The following UNC13C variants were observed in gnomAD, a reference collection of about 807,000 sequenced individuals.
UNC13C encodes the protein unc-13 homolog C, also known as protein unc-13 homolog C.
UNC13C carries 174 observed loss-of-function variants against 245.4 expected under a neutral mutation model. The ratio of observed to expected loss-of-function variants is 0.71; its 90% CI spans 0.63 to 0.80. The LOEUF is 0.80. UNC13C is among the 30% of genes least tolerant of loss of function. The pLI is 0.00. For synonymous variants in UNC13C, 992 were observed against 895.1 expected, an observed-to-expected ratio of 1.11 and a Z score of -1.93; for missense variants, 2,829 against 2,602.9, an observed-to-expected ratio of 1.09 and a Z score of -1.89.
intron 31 of UNC13C, among the ~76,000 whole-genome samples, chr15:54,623,422 C>T (rs3959676): frequency 0.59 from 89,420 of 151,926 alleles, 26,940 homozygotes; most frequent in Middle Eastern, 0.69. Flanking sequence ...TGAAAGCATA[C>T]AATCCAAAAT....
the UNC13C span, among the ~76,000 whole-genome samples, chr15:53,936,835 A>G: frequency 6.6e-6 from 1 of 152,204 alleles, no homozygotes; most frequent in African/African-American, 2.4e-5. Context: ...ATGGAAATCA[A>G]CAACAACATC....
At chr15:54,368,053 T>C (rs922117847) in intron 17 of UNC13C, among the ~76,000 whole-genome samples, 1 of 152,116 alleles carries the variant, frequency 6.6e-6, no homozygotes, top group Non-Finnish European at 1.5e-5. Context: ...TTCAGGGTAA[T>C]GCAAGTACAT....
chr15:53,849,917 A>G, the UNC13C span, among the ~76,000 whole-genome samples: 8 of 152,228 alleles, frequency 5.3e-5, no homozygotes, highest in Non-Finnish European at 7.3e-5. Flanking sequence ...ATGTGTTTAA[A>G]AAAATTAAAC....
At chr15:54,507,415 T>C (rs1280401349) in intron 23 of UNC13C, among the ~76,000 whole-genome samples, 1 of 152,106 alleles carries the variant, frequency 6.6e-6, no homozygotes, top group East Asian at 1.9e-4. Context: ...ACTTGTGGTT[T>C]TCCATGTAGA....
chr15:53,984,379 T>C (rs910619388), intron 1 of UNC13C, among the ~76,000 whole-genome samples: 5 of 152,134 alleles, frequency 3.3e-5, no homozygotes, highest in African/African-American at 1.2e-4. Flanking sequence ...CATCATACAC[T>C]GTCTTATGAG....
At chr15:54,475,326 CT>C (rs1892676931) in intron 19 of UNC13C, among the ~76,000 whole-genome samples, 1 of 139,594 alleles carries the variant, frequency 7.2e-6, no homozygotes, top group South Asian at 2.3e-4. Context: ...TATTATTATA[CT>C]TTAAGTTTTA....
chr15:54,139,950 CTT>C (rs1485197817), intron 2 of UNC13C, among the ~76,000 whole-genome samples: 2 of 152,050 alleles, frequency 1.3e-5, no homozygotes, highest in Non-Finnish European at 2.9e-5. Context: ...TAGTGCTTCT[CTT>C]TGTCTTTAAT....
intron 17 of UNC13C, among the ~76,000 whole-genome samples, chr15:54,382,783 A>G (rs577677755): frequency 1.3e-5 from 2 of 152,204 alleles, no homozygotes; most frequent in South Asian, 4.1e-4. Context: ...AGATTTAAAC[A>G]TTTGATAAAC....
At chr15:54,219,307 T>C (rs1485415996) in intron 4 of UNC13C, among the ~76,000 whole-genome samples, 1 of 151,016 alleles carries the variant, frequency 6.6e-6, no homozygotes, top group Admixed American at 6.6e-5. Flanking sequence ...TATCTACAAC[T>C]ATCTGATCTT....
chr15:54,310,059 A>G (rs2140961067), intron 13 of UNC13C, among the ~76,000 whole-genome samples: 1 of 151,890 alleles, frequency 6.6e-6, no homozygotes, highest in African/African-American at 2.4e-5. Flanking sequence ...GAGAATATTA[A>G]ACATTTCCAG....
At position 54,470,339 on chromosome 15, in the gene UNC13C, G is replaced by A. The variant is rs575048653; in HGVS notation, c.4934-24269G>A. Among the ~76,000 whole-genome samples the A allele has an allele frequency of 6.0e-5, 9 of 150,250 alleles. No homozygotes were observed. The East Asian group carries it at 1.8e-3, about 30-fold the overall frequency. On this transcript the variant is annotated intron_variant, in intron 19 of 32. Transcript: ENST00000260323. ...AATATGTATTAGTTCTTCTTGAAAT[G>A]TTTGGTAAAATTCAGTTGTGATGCT... is the stretch of plus-strand genomic sequence containing the variant.
the UNC13C span, among the ~76,000 whole-genome samples, chr15:53,870,974 A>G: frequency 3.0e-3 from 450 of 152,144 alleles, 2 homozygotes; most frequent in Admixed American, 0.022. Context: ...CAATAACTCC[A>G]ACACTATTGT....
At chr15:54,323,900 T>C (rs1039534905) in intron 14 of UNC13C, among the ~76,000 whole-genome samples, 2 of 152,062 alleles carry the variant, frequency 1.3e-5, no homozygotes, top group African/African-American at 2.4e-5. Flanking sequence ...CTGAGAAAGA[T>C]GTGTTTAAGT....
intron 4 of UNC13C, among the ~76,000 whole-genome samples, chr15:54,154,666 T>C (rs1258244518): frequency 1.3e-5 from 2 of 152,180 alleles, no homozygotes; most frequent in African/African-American, 4.8e-5. Context: ...AGGAGGAGGG[T>C]GCACTTTGAT....
chr15:54,235,506 T>C (rs568660485), intron 5 of UNC13C, among the ~76,000 whole-genome samples: 20 of 152,320 alleles, frequency 1.3e-4, no homozygotes, highest in African/African-American at 4.6e-4. Context: ...GAATACTTTA[T>C]ACAGCAAGCA....
chr15:54,078,702 T>G (rs567122527), intron 2 of UNC13C, among the ~76,000 whole-genome samples: 1 of 152,040 alleles, frequency 6.6e-6, no homozygotes, highest in Non-Finnish European at 1.5e-5. Flanking sequence ...TCCTTAAGTT[T>G]CTCATAAATT....
intron 4 of UNC13C, among the ~76,000 whole-genome samples, chr15:54,208,215 A>T (rs1007620368): frequency 2.0e-5 from 3 of 152,048 alleles, no homozygotes; most frequent in Non-Finnish European, 4.4e-5. Context: ...GCAAGAACTC[A>T]CTTATCACCA....
At chr15:53,852,634 A>G in the UNC13C span, among the ~76,000 whole-genome samples, 2 of 152,204 alleles carry the variant, frequency 1.3e-5, no homozygotes, top group African/African-American at 4.8e-5. Context: ...CCCTTGCCCC[A>G]TGCTGCTGTC....
intron 30 of UNC13C, among the ~76,000 whole-genome samples, chr15:54,586,129 A>G (rs1227996869): frequency 6.6e-6 from 1 of 152,224 alleles, no homozygotes; most frequent in Non-Finnish European, 1.5e-5. Flanking sequence ...TAAAACTAGC[A>G]AAAGACTAAG....
Sources: allele counts gnomAD v4.1 joint callset (sites outside exome capture counted in the v4.1 genomes callset), GRCh38; gene constraint gnomAD v4.1.1; transcripts MANE v1.5; gene names NCBI Gene and HGNC (gene_info 2026-07-23, HGNC 2026-07-21).